DNAH17: variants seen among roughly 807,000 people sequenced by gnomAD.
DNAH17 encodes the protein dynein axonemal heavy chain 17.
DNAH17 carries 376 observed loss-of-function variants against 485.6 expected under a neutral mutation model. The observed-to-expected ratio is 0.77, with a 90% CI of 0.71 to 0.84. DNAH17 has a LOEUF of 0.84. DNAH17 is among the 40% of genes least tolerant of loss of function. DNAH17 has a pLI of 0.00. For missense variants in DNAH17, 6,370 were observed against 5,839.3 expected (o/e 1.09, Z -2.96); for synonymous variants, 3,031 against 2,405.9 (o/e 1.26, Z -7.60).
chr17:78,450,961 C>T (rs910884330), intron 66 of DNAH17, 115 bp from the exon 67 acceptor site: 120 of 1,338,696 alleles, frequency 9.0e-5, no homozygotes, highest in East Asian at 3.5e-4. Context: ...GCGGGAGGAA[C>T]GAGCTCAGGT....
intron 37 of DNAH17, among the ~76,000 whole-genome samples, chr17:78,497,361 G>T (rs1218587676): frequency 6.6e-6 from 1 of 152,140 alleles, no homozygotes; most frequent in African/African-American, 2.4e-5. Context: ...CTGGTGCCCT[G>T]GTGATCCCAG....
chr17:78,533,875 G>GGGGTTTCACCGTGTTGGTCAGGC, intron 19 of DNAH17, among the ~76,000 whole-genome samples: 1 of 152,072 alleles, frequency 6.6e-6, no homozygotes, highest in East Asian at 1.9e-4. Flanking sequence ...TATTAGAGGC[G>GGGGTTTCACCGTGTTGGTCAGGC]GGGTTTCACC....
chr17:78,425,595 G>A, intron 79 of DNAH17, 24 bp from the exon 80 acceptor site: 1 of 1,578,806 alleles, frequency 6.3e-7, no homozygotes, highest in Non-Finnish European at 8.6e-7. Context: ...CGAGCCGCTA[G>A]GAGGAGAGGA....
chr17:78,521,771 G>T (rs991297207), intron 25 of DNAH17, among the ~76,000 whole-genome samples: 1 of 152,182 alleles, frequency 6.6e-6, no homozygotes, highest in East Asian at 1.9e-4. Flanking sequence ...CGCATTGCCT[G>T]AGCTTAGGAA....
intron 51 of DNAH17, among the ~76,000 whole-genome samples, chr17:78,476,973 G>A (rs1225801901): frequency 1.3e-5 from 2 of 152,188 alleles, no homozygotes; most frequent in South Asian, 2.1e-4. Context: ...ACAGGGTTGG[G>A]GCCTCATCCT....
chr17:78,457,657 CTTT>C (rs71160297), intron 62 of DNAH17, among the ~76,000 whole-genome samples: 4 of 66,784 alleles, frequency 6.0e-5, no homozygotes, highest in Non-Finnish European at 8.6e-5. Flanking sequence ...CCGTGCCTGG[CTTT>C]TTTTTTTTTT....
intron 24 of DNAH17, among the ~76,000 whole-genome samples, 166 bp from the exon 25 acceptor site, chr17:78,525,327 AT>A (rs1045981666): frequency 6.6e-5 from 10 of 152,104 alleles, no homozygotes; most frequent in Admixed American, 2.0e-4. Flanking sequence ...AGAGCCCTCC[AT>A]CCCCCAAGGC....
At chr17:78,504,071 A>ATT (rs979845041) in intron 31 of DNAH17, among the ~76,000 whole-genome samples, 2 of 146,256 alleles carry the variant, frequency 1.4e-5, no homozygotes, top group Non-Finnish European at 3.0e-5. Flanking sequence ...ATGAGGGTAG[A>ATT]TTTTTTTTTT....
chr17:78,547,871 G>T (rs900298574), intron 16 of DNAH17, among the ~76,000 whole-genome samples: 2 of 151,986 alleles, frequency 1.3e-5, no homozygotes, highest in Non-Finnish European at 2.9e-5. Context: ...GCCTGCCTTG[G>T]CCTCCCAAAG....
At chr17:78,498,753 A>G (rs902507669) in intron 37 of DNAH17, 2 of 322,656 alleles carry the variant, frequency 6.2e-6, no homozygotes, top group African/African-American at 4.3e-5. Flanking sequence ...AAGCAAAATT[A>G]ATTATTCTCC....
At chr17:78,551,742 T>A in intron 15 of DNAH17, 104 bp from the exon 16 acceptor site, 1 of 1,096,278 alleles carries the variant, frequency 9.1e-7, no homozygotes, top group South Asian at 1.3e-5. Flanking sequence ...GGCAGGCGAA[T>A]CACGAGGTCG....
intron 14 of DNAH17, among the ~76,000 whole-genome samples, chr17:78,555,667 T>C (rs1172263566): frequency 6.6e-6 from 1 of 151,946 alleles, no homozygotes; most frequent in Non-Finnish European, 1.5e-5. Flanking sequence ...GAGGGTTAAT[T>C]TGTCAACAGG....
rs769803281 is a variant in DNAH17, at chr17:78,423,902, C to T, written c.*4G>A. The T allele has an allele frequency of 2.0e-5, 32 of 1,613,702 alleles. No homozygotes were observed. The highest frequency in any genetic ancestry group is 4.5e-5 in the East Asian group (2 of 44,884). ...GGGAGTGTGGGCTGTGAGGCAGGAG[C>T]GAGCTAAACCTGTAGGAGCAGCGCC... On this transcript the variant is annotated 3_prime_UTR_variant, in exon 81 of 81. Transcript: ENST00000389840.
Position 78,437,627 on chromosome 17 carries a change from A to C in DNAH17, c.12033+14T>G. The C allele has an allele frequency of 1.9e-6, 3 of 1,589,516 alleles. No individual in the cohort carries two copies. The highest frequency in any genetic ancestry group is 2.6e-6 in the Non-Finnish European group (3 of 1,166,170). On this transcript the variant is annotated intron_variant, in intron 74 of 80. Transcript: ENST00000389840. ...CATGGGATGGGGAGGCAGCCCGAGCAGGCGTGGCCCTACCTGGGTGAACAG... is the reference window on the plus strand; with the variant it reads ...CATGGGATGGGGAGGCAGCCCGAGCCGGCGTGGCCCTACCTGGGTGAACAG...
At chr17:78,498,933 G>A (rs1257615765) in intron 37 of DNAH17, 75 bp downstream of exon 37, 2 of 1,161,048 alleles carry the variant, frequency 1.7e-6, no homozygotes, top group East Asian at 5.4e-5. Flanking sequence ...GGGTCTATCT[G>A]GCGTGTGAGG....
chr17:78,500,244 G>A (rs1459082110), intron 36 of DNAH17, 61 bp downstream of exon 36: 3 of 1,523,336 alleles, frequency 2.0e-6, no homozygotes, highest in Admixed American at 4.2e-5. Context: ...AGGACAGGGT[G>A]CTAGGATCTG....
At chr17:78,426,804 T>G in intron 78 of DNAH17, 122 bp downstream of exon 78, 1 of 1,325,038 alleles carries the variant, frequency 7.5e-7, no homozygotes, top group Non-Finnish European at 1.0e-6. Context: ...GCCAGAGCTC[T>G]GGAGAGGGAG....
At chr17:78,466,909 G>T in intron 55 of DNAH17, 93 bp from the exon 56 acceptor site, 1 of 1,371,062 alleles carries the variant, frequency 7.3e-7, no homozygotes, top group Non-Finnish European at 9.6e-7. Flanking sequence ...AGAAAGCAAC[G>T]CGCCCTGCCG....
At chr17:78,514,660 G>A (rs1326914362) in intron 26 of DNAH17, 114 bp downstream of exon 26, 4 of 1,393,826 alleles carry the variant, frequency 2.9e-6, no homozygotes, top group Non-Finnish European at 3.8e-6. Context: ...TGCCCACATT[G>A]GCTTTACCAG....
Sources: allele counts gnomAD v4.1 joint callset (sites outside exome capture counted in the v4.1 genomes callset), GRCh38; gene constraint gnomAD v4.1.1; transcripts MANE v1.5; gene names NCBI Gene and HGNC (gene_info 2026-07-23, HGNC 2026-07-21).